ADGRL3: variants seen among roughly 807,000 people sequenced by gnomAD.
ADGRL3 encodes adhesion G protein-coupled receptor L3.
In ADGRL3, 62 loss-of-function variants were observed where a neutral mutation model predicts 153.5. The ratio of observed to expected loss-of-function variants is 0.40; its 90% CI spans 0.33 to 0.50. The LOEUF is 0.50. Among genes scored for constraint, ADGRL3 ranks in the 20% least tolerant of loss-of-function variants. The pLI, the probability that ADGRL3 is intolerant of heterozygous loss-of-function variation, is 0.47. For synonymous variants in ADGRL3, 710 were observed against 672.5 expected, an observed-to-expected ratio of 1.06 and a Z score of -0.86; for missense variants, 1,641 against 1,859.4, an observed-to-expected ratio of 0.88 and a Z score of 2.16.
At chr4:61,573,930 C>A (rs565975136) in intron 4 of ADGRL3, among the ~76,000 whole-genome samples, 3 of 151,960 alleles carry the variant, frequency 2.0e-5, no homozygotes, top group African/African-American at 7.2e-5. Context: ...GCTCAAGTGG[C>A]AGAATAGCAA....
intron 6 of ADGRL3, among the ~76,000 whole-genome samples, chr4:61,726,742 G>A (rs1295685728): frequency 6.6e-6 from 1 of 151,868 alleles, no homozygotes; most frequent in Non-Finnish European, 1.5e-5. Flanking sequence ...CTATTACATT[G>A]CAAGGAAAAA....
At chr4:62,028,731 G>A (rs958884784) in intron 21 of ADGRL3, 124 bp from the exon 22 acceptor site, 1 of 628,328 alleles carries the variant, frequency 1.6e-6, no homozygotes. Flanking sequence ...AAAGGATAAT[G>A]ATTTCTTTTA....
chr4:61,581,141 A>T (rs886149151), intron 4 of ADGRL3, among the ~76,000 whole-genome samples: 1 of 152,082 alleles, frequency 6.6e-6, no homozygotes, highest in African/African-American at 2.4e-5. Flanking sequence ...TAGGTGCAGA[A>T]TAGACAGTAC....
intron 6 of ADGRL3, among the ~76,000 whole-genome samples, chr4:61,703,064 T>C (rs1422380164): frequency 2.0e-5 from 3 of 152,106 alleles, no homozygotes; most frequent in Non-Finnish European, 4.4e-5. Flanking sequence ...AGGTATTTCT[T>C]TGTCCCCTTG....
At chr4:61,705,335 C>T (rs2095838606) in intron 6 of ADGRL3, among the ~76,000 whole-genome samples, 1 of 151,470 alleles carries the variant, frequency 6.6e-6, no homozygotes, top group Non-Finnish European at 1.5e-5. Flanking sequence ...TTTGAGGTGG[C>T]TAGGTATGTT....
chr4:61,611,836 C>T (rs1169915952), intron 5 of ADGRL3, among the ~76,000 whole-genome samples: 1 of 151,996 alleles, frequency 6.6e-6, no homozygotes, highest in African/African-American at 2.4e-5. Context: ...TGGGAGGATC[C>T]CTTGAGCCCG....
intron 17 of ADGRL3, among the ~76,000 whole-genome samples, chr4:61,952,478 C>CAA (rs35219845): frequency 1.5e-4 from 10 of 66,654 alleles, no homozygotes; most frequent in Middle Eastern, 9.1e-3. Flanking sequence ...GACCCTGTCT[C>CAA]AAAAAAAAAA....
At chr4:61,695,583 A>AGTAAATG (rs2095627293) in intron 6 of ADGRL3, among the ~76,000 whole-genome samples, 1 of 152,192 alleles carries the variant, frequency 6.6e-6, no homozygotes, top group Non-Finnish European at 1.5e-5. Context: ...TTTCAAGAAT[A>AGTAAATG]GTAAATGGGC....
At chr4:61,236,670 G>A (rs1325896131) in intron 1 of ADGRL3, among the ~76,000 whole-genome samples, 1 of 152,038 alleles carries the variant, frequency 6.6e-6, no homozygotes, top group Non-Finnish European at 1.5e-5. Context: ...ATAAGTAGAG[G>A]TCAGTGTAAG....
intron 8 of ADGRL3, among the ~76,000 whole-genome samples, chr4:61,757,904 G>C (rs1214082135): frequency 6.6e-6 from 1 of 152,180 alleles, no homozygotes. Context: ...GGAGCAGGTT[G>C]CTCAGTTTCC....
intron 5 of ADGRL3, among the ~76,000 whole-genome samples, chr4:61,641,956 C>T (rs1250517878): frequency 2.0e-5 from 3 of 150,040 alleles, no homozygotes; most frequent in African/African-American, 4.9e-5. Context: ...CTGTTGTTTC[C>T]TGACTTTTTA....
intron 9 of ADGRL3, among the ~76,000 whole-genome samples, chr4:61,814,756 A>C (rs1477687321): frequency 6.6e-6 from 1 of 152,016 alleles, no homozygotes; most frequent in Admixed American, 6.6e-5. Flanking sequence ...ATAGGTTTCC[A>C]CCAACATTTC....
chr4:61,922,229 G>T (rs988554920), intron 13 of ADGRL3, among the ~76,000 whole-genome samples: 5 of 152,204 alleles, frequency 3.3e-5, no homozygotes, highest in Admixed American at 3.3e-4. Context: ...GTTTTACAGT[G>T]TTGTTCTATA....
chr4:62,041,396 T>C (rs1728196154), intron 24 of ADGRL3, among the ~76,000 whole-genome samples: 1 of 152,126 alleles, frequency 6.6e-6, no homozygotes, highest in African/African-American at 2.4e-5. Flanking sequence ...TTATCTTTCA[T>C]ATATTTTATT....
At chr4:61,931,388 T>A (rs2098817067) in intron 13 of ADGRL3, among the ~76,000 whole-genome samples, 1 of 152,184 alleles carries the variant, frequency 6.6e-6, no homozygotes, top group South Asian at 2.1e-4. Flanking sequence ...TACTGTGATA[T>A]CAAGCAAAAG....
At chr4:61,809,713 G>T (rs1413993966) in intron 8 of ADGRL3, among the ~76,000 whole-genome samples, 1 of 151,664 alleles carries the variant, frequency 6.6e-6, no homozygotes, top group Non-Finnish European at 1.5e-5. Flanking sequence ...CTCTGCATAA[G>T]AATATGGACT....
intron 5 of ADGRL3, among the ~76,000 whole-genome samples, chr4:61,650,702 G>C (rs2094214618): frequency 1.3e-5 from 2 of 151,978 alleles, no homozygotes; most frequent in Non-Finnish European, 2.9e-5. Context: ...TGAGTAAATA[G>C]TAATAATTTG....
chr4:61,334,074 G>T (rs531443327), intron 1 of ADGRL3, among the ~76,000 whole-genome samples: 1 of 151,234 alleles, frequency 6.6e-6, no homozygotes. Context: ...GCACCACTAC[G>T]CTTGGGTAAT....
rs562940425 is a variant in ADGRL3, at chr4:61,438,112, C to T, written c.-174+54923C>T. ...TCTTCTTGGAATTTCTGATACTCAT[C>T]ATTGTATTACTCATTTCTGTAAGCA... On this transcript the variant is annotated intron_variant, in intron 2 of 26. Coordinates refer to ENST00000683033, the MANE Select transcript of ADGRL3 (RefSeq NM_001387552.1). 3.0e-3 allele frequency among the ~76,000 whole-genome samples: 450 copies of T among 152,244 alleles called. 2 individuals carry two copies. Among genetic ancestry groups the T allele is most frequent in the African/African-American group, 0.01 (432 of 41,544 alleles).
Sources: gnomAD v4.1 joint callset for allele counts (sites outside exome capture counted in the v4.1 genomes callset) on GRCh38, gnomAD v4.1.1 for gene constraint, MANE v1.5 for transcripts, NCBI Gene and HGNC (gene_info 2026-07-23, HGNC 2026-07-21) for gene names.